The following DENND2B variants were observed in gnomAD, a reference collection of about 807,000 sequenced individuals.
The protein encoded by DENND2B is DENN domain containing 2B.
Under a neutral mutation model 116.0 loss-of-function variants are expected in DENND2B, and 32 were observed. The ratio of observed to expected loss-of-function variants is 0.28; its 90% CI spans 0.21 to 0.37. The LOEUF (loss-of-function observed/expected upper bound fraction) is 0.37. Ranked by LOEUF, DENND2B falls within the 10% of genes least tolerant of loss-of-function variation. The pLI is 1.00. For missense variants in DENND2B, 1,276 were observed against 1,477.7 expected, an observed-to-expected ratio of 0.86 and a Z score of 2.24; for synonymous variants, 588 against 583.9, an observed-to-expected ratio of 1.01 and a Z score of -0.10.
At chr11:8,776,433 G>T in intron 1 of DENND2B, 1 of 362,582 alleles carries the variant, frequency 2.8e-6, no homozygotes, top group South Asian at 2.1e-5. Context: ...AGTCACTGAG[G>T]ACACAGGAAG....
Position 8,730,605 on chromosome 11 carries a change from T to G in DENND2B, c.685A>C (p.Ser229Arg). The change falls in exon 3 of 20, where the codon AGC (serine) becomes CGC (arginine). Residue 229 changes from serine to arginine, a missense_variant. Around this residue, in one of 2 missense-constraint regions of DENND2B, gnomAD observed 856 missense variants for 846.6 expected, o/e 1.01. Transcript: ENST00000313726. The surrounding 1 kb of genome is among the most constrained non-coding windows in gnomAD (Gnocchi z 4.1). Reference sequence around the variant, plus strand: ...TAGGAACACTCGGAGAAGGTCCTGCTCATCCTCCGGAGGCCCTTGAAATCA... The same window carrying G: ...TAGGAACACTCGGAGAAGGTCCTGCGCATCCTCCGGAGGCCCTTGAAATCA... ...TFDFKGLRRM[S>R]RTFSECSYPE... 6.2e-7 allele frequency: 1 copy of G among 1,613,128 alleles called. No homozygotes were observed. The highest frequency in any genetic ancestry group is 2.2e-5 in the East Asian group (1 of 44,856).
Position 8,715,717 on chromosome 11 carries a change from G to A in DENND2B, c.1731C>T (p.Asp577=). 2.5e-6 allele frequency: 4 copies of A among 1,614,262 alleles called. No individual in the cohort carries two copies. Among genetic ancestry groups the A allele is most frequent in the Non-Finnish European group, 3.4e-6 (4 of 1,180,054 alleles). The change falls in exon 6 of 20, where the codon GAC becomes GAT. Residue 577 remains aspartate (D), a synonymous_variant. Transcript: ENST00000313726. ...PRLPKRHSHD[D]MLLLAQLSLP... The stretch of plus-strand genomic sequence containing the variant: ...GACTCAGCTGAGCCAGCAGCAGCAT[G>A]TCGTCATGGCTGTGCCTCTTGGGTA...
chr11:8,702,897 T>C lies in DENND2B; in HGVS notation c.2572-177A>G, dbSNP rs1224687314. ...CATCCCTCGGACTACAGCTCTGCTC[T>C]CGTAGCACTCGAACACCCAGCCTGT... On this transcript the variant is annotated intron_variant, in intron 13 of 19. Coordinates refer to ENST00000313726, the MANE Select transcript of DENND2B (RefSeq NM_213618.2). This position sits in a 1 kb window ranked among gnomAD's most constrained non-coding sequence, Gnocchi z 4.6. The C allele has an allele frequency of 1.3e-6, 1 of 763,962 alleles. No homozygotes were observed. Among genetic ancestry groups the C allele is most frequent in the Non-Finnish European group, 2.0e-6 (1 of 493,404 alleles). 47.3% of individuals were successfully genotyped at this position (763,962 alleles called of 1,614,324 possible).
chr11:8,696,783 G>C, intron 17 of DENND2B, 117 bp from the exon 18 acceptor site: 1 of 1,460,462 alleles, frequency 6.8e-7, no homozygotes, highest in South Asian at 1.4e-5. Context: ...CCACTCTTCT[G>C]TTCTGGAAGC....
intron 3 of DENND2B, among the ~76,000 whole-genome samples, chr11:8,729,016 GT>G (rs2047616643): frequency 2.0e-5 from 3 of 152,192 alleles, no homozygotes; most frequent in Admixed American, 1.3e-4. Context: ...CGGCTCGGGG[GT>G]CTGAATCTTT....
At chr11:8,757,625 T>C (rs1079452) in intron 1 of DENND2B, among the ~76,000 whole-genome samples, 93,067 of 152,128 alleles carry the variant, frequency 0.61, 28,874 homozygotes, top group Non-Finnish European at 0.66. Context: ...TTATAACAGC[T>C]AAAGTTACAA....
chr11:8,722,691 T>C (rs528879788), intron 4 of DENND2B, among the ~76,000 whole-genome samples: 4 of 152,142 alleles, frequency 2.6e-5, no homozygotes, highest in Admixed American at 6.5e-5. Context: ...GAAATTCAGA[T>C]TGGGCTGCTA....
chr11:8,734,333 T>A (rs80190085), intron 2 of DENND2B, among the ~76,000 whole-genome samples: 201 of 152,214 alleles, frequency 1.3e-3, no homozygotes, highest in Non-Finnish European at 2.2e-3. Flanking sequence ...TTTTTTTTTT[T>A]ATCAGGTTAT....
intron 4 of DENND2B, among the ~76,000 whole-genome samples, chr11:8,817,290 C>T (rs894928115): frequency 2.0e-5 from 3 of 152,168 alleles, no homozygotes; most frequent in African/African-American, 7.2e-5. Flanking sequence ...TGAGGGCCTT[C>T]AGATCAACAA....
chr11:8,842,919 A>C (rs1176377815), intron 3 of DENND2B, among the ~76,000 whole-genome samples: 1 of 152,170 alleles, frequency 6.6e-6, no homozygotes, highest in African/African-American at 2.4e-5. Context: ...AGGACTCTGT[A>C]AAGGCTTCTC....
In DENND2B at chr11:8,715,804, G is replaced by T; in HGVS notation, c.1644C>A (p.Pro548=). The T allele has an allele frequency of 6.2e-7, 1 of 1,600,852 alleles. No individual in the cohort carries two copies. Among genetic ancestry groups the T allele is most frequent in the South Asian group, 1.1e-5 (1 of 90,394 alleles). Residue 548 remains proline, a synonymous_variant, in exon 6 of 20, where the codon CCC becomes CCA. Coordinates refer to ENST00000313726, the MANE Select transcript of DENND2B (RefSeq NM_213618.2). ...NSPPTQLSLK[P]NSQSLRSGNW... is the part of the protein sequence containing the mutation. ...TCCCACTGCGCAGGGACTGGCTGTTGGGTTTCAGGGAAAGCTGGCGTGGGG... is the reference window on the plus strand; with the variant it reads ...TCCCACTGCGCAGGGACTGGCTGTTTGGTTTCAGGGAAAGCTGGCGTGGGG...
intron 1 of DENND2B, among the ~76,000 whole-genome samples, chr11:8,890,838 C>A (rs902681270): frequency 8.5e-5 from 13 of 152,164 alleles, no homozygotes; most frequent in African/African-American, 3.1e-4. Flanking sequence ...TCCAGGAGAA[C>A]TTCCCCAACC....
upstream of DENND2B, chr11:8,811,234 C>T: frequency 2.5e-6 from 1 of 398,622 alleles, no homozygotes; most frequent in South Asian, 1.3e-4. Flanking sequence ...CCTGGACTGG[C>T]CTCTCTGCTT....
intron 9 of DENND2B, among the ~76,000 whole-genome samples, chr11:8,711,446 G>A (rs929053857): frequency 6.6e-6 from 1 of 152,072 alleles, no homozygotes; most frequent in Non-Finnish European, 1.5e-5. Context: ...CATCTGACAC[G>A]GTGCTATGCG....
chr11:8,796,222 T>C (rs917743340), intron 1 of DENND2B, among the ~76,000 whole-genome samples: 3 of 151,982 alleles, frequency 2.0e-5, no homozygotes, highest in Non-Finnish European at 4.4e-5. Flanking sequence ...ACTGATAGAA[T>C]CCAAACAGGA....
At chr11:8,721,314 C>T (rs1036301769) in intron 4 of DENND2B, among the ~76,000 whole-genome samples, 11 of 130,294 alleles carry the variant, frequency 8.4e-5, no homozygotes, top group Non-Finnish European at 1.8e-4. Context: ...CAACCTTTCA[C>T]TCCTCCCCAT....
intron 16 of DENND2B, chr11:8,698,043 A>G (rs959872901): frequency 5.5e-6 from 2 of 362,008 alleles, no homozygotes; most frequent in East Asian, 8.1e-5. Context: ...GGAGGCTGAC[A>G]TGGGGAGGAT....
At chr11:8,794,389 C>T (rs2059637625) in intron 1 of DENND2B, among the ~76,000 whole-genome samples, 1 of 152,210 alleles carries the variant, frequency 6.6e-6, no homozygotes, top group African/African-American at 2.4e-5. Flanking sequence ...TGGACCCACC[C>T]ACGTGGTCCT....
intron 3 of DENND2B, among the ~76,000 whole-genome samples, chr11:8,846,455 G>A (rs1387466608): frequency 6.6e-6 from 1 of 152,180 alleles, no homozygotes. Context: ...GGCCCACTGG[G>A]CAGACACTCC....
Sources: gnomAD v4.1 joint callset for allele counts (sites outside exome capture counted in the v4.1 genomes callset) on GRCh38, gnomAD v4.1.1 for gene constraint, gnomAD v4.1.1 regional missense constraint, Gnocchi (gnomAD v3.1) non-coding constraint, MANE v1.5 for transcripts, NCBI Gene and HGNC (gene_info 2026-07-23, HGNC 2026-07-21) for gene names.